The following C12orf43 variants were observed in gnomAD, a reference collection of about 807,000 sequenced individuals.
The protein encoded by C12orf43 is chromosome 12 open reading frame 43.
In C12orf43, 15 loss-of-function variants were observed where a neutral mutation model predicts 20.6. That is an observed-to-expected ratio of 0.73 (90% CI 0.49 to 1.12). The LOEUF is 1.12. Among genes scored for constraint, C12orf43 ranks in the 50% most tolerant of loss-of-function variants. C12orf43 has a pLI of 0.00. For missense variants in C12orf43, 334 were observed against 344.4 expected (o/e 0.97, Z 0.24); for synonymous variants, 144 against 130.8 (o/e 1.10, Z -0.69).
In C12orf43 at chr12:121,004,540, C is replaced by T; in HGVS notation, c.453-51G>A. On this transcript the variant is annotated intron_variant, in intron 5 of 5. Coordinates refer to ENST00000288757, the MANE Select transcript of C12orf43 (RefSeq NM_022895.3). This position sits in a 1 kb window ranked among gnomAD's most constrained non-coding sequence, Gnocchi z 5.6. Reference sequence around the variant, plus strand: ...GTTAGCTGGAGTCAGGACACAGCCCCAGAGCTGCCTCTCGCTGTCCTCCCT... The same window carrying T: ...GTTAGCTGGAGTCAGGACACAGCCCTAGAGCTGCCTCTCGCTGTCCTCCCT... 1 of 1,508,116 alleles carries T rather than the reference C, an allele frequency of 6.6e-7. No individual in the cohort carries two copies. The allele number at this position is 1,508,116 out of a possible 1,614,324, so 93.4% of individuals were successfully genotyped here.
intron 1 of C12orf43, among the ~76,000 whole-genome samples, chr12:121,016,050 C>T (rs545732334): frequency 1.3e-5 from 2 of 152,168 alleles, no homozygotes; most frequent in Non-Finnish European, 1.5e-5. Context: ...TTGCAGTTAT[C>T]TCGAAGAGAC....
In C12orf43 at chr12:121,016,327, T is replaced by TA; in HGVS notation, c.145+2dup. The TA allele has an allele frequency of 6.2e-7, 1 of 1,613,594 alleles. No homozygotes were observed. The highest frequency in any genetic ancestry group is 8.5e-7 in the Non-Finnish European group (1 of 1,180,002). Reference sequence around the variant, plus strand: ...GCCAGTCTCCCCAAACATAGTACCCTACCGGCTCTTGGCTTCCCTGCCACG... The same window carrying TA: ...GCCAGTCTCCCCAAACATAGTACCCTAACCGGCTCTTGGCTTCCCTGCCACG... On this transcript the variant is annotated splice_region_variant and intron_variant, in intron 1 of 5. Coordinates refer to ENST00000288757, the MANE Select transcript of C12orf43 (RefSeq NM_022895.3).
chr12:121,007,351 A>G (rs1349301086), intron 3 of C12orf43: 1 of 152,184 alleles, frequency 6.6e-6, no homozygotes, highest in Non-Finnish European at 1.5e-5. Flanking sequence ...CCTCATTCAG[A>G]CTTCAGAGAC....
chr12:121,004,461 A>G lies in C12orf43; in HGVS notation c.481T>C (p.Cys161Arg). 1 of 1,608,032 alleles carries G rather than the reference A, an allele frequency of 6.2e-7. No individual in the cohort carries two copies. The highest frequency in any genetic ancestry group is 1.1e-5 in the South Asian group (1 of 90,762). Residue 161 changes from cysteine to arginine, a missense_variant, in exon 6 of 6, where the codon TGC (cysteine) becomes CGC (arginine). By Grantham distance (180) the Cys-to-Arg change is radical. Transcript: ENST00000288757. The surrounding 1 kb of genome is among the most constrained non-coding windows in gnomAD (Gnocchi z 5.6). ...GACGCCGACACAGCTGCCTCCCGGC[A>G]CCGCCGCCACTCCTCGTCACTGTCC... ...SEDSDEEWRRCREAAVSASDI... is the reference protein window; with the variant it reads ...SEDSDEEWRRRREAAVSASDI...
Position 121,011,137 on chromosome 12 carries a change from T to C in C12orf43, c.155A>G (p.Asn52Ser). 2 of 1,613,936 alleles carry C rather than the reference T, an allele frequency of 1.2e-6. No homozygotes were observed. The highest frequency in any genetic ancestry group is 2.7e-5 in the African/African-American group (2 of 74,970). The change falls in exon 2 of 6, where the codon AAT becomes AGT. Residue 52 changes from asparagine to serine, a missense_variant. Asn to Ser is a conservative substitution (Grantham distance 46, BLOSUM62 1). Coordinates refer to ENST00000288757, the MANE Select transcript of C12orf43 (RefSeq NM_022895.3). ...VAGKPRAGAA[N>S]SQLSTSQPSL... ...CGGTTGGGAGGTTGACAACTGGCTA[T>C]TTGCAGCACCTGTGGAAAAATGAAA...
chr12:121,011,072 T>A (rs1878419705), intron 2 of C12orf43, 32 bp downstream of exon 2: 1 of 1,611,032 alleles, frequency 6.2e-7, no homozygotes, highest in African/African-American at 1.3e-5. Context: ...ATTTGTTGAA[T>A]AAGTGAAACT....
At position 121,001,266 on chromosome 12, in the gene C12orf43, AG is replaced by A. The variant is rs547688126; in HGVS notation, c.*2886del. The A allele has an allele frequency of 9.7e-5, 153 of 1,575,666 alleles. No individual in the cohort carries two copies. The highest frequency in any genetic ancestry group is 1.3e-4 in the Non-Finnish European group (148 of 1,156,060). ...GAGGGCAGCAGCCAGCCCTGCCTGG[AG>A]GACCTGAGCCTGCCGAGCAACCGTG... On this transcript the variant is annotated 3_prime_UTR_variant, in exon 6 of 6. Transcript: ENST00000288757.
At position 121,003,909 on chromosome 12, in the gene C12orf43, C is replaced by T. The variant is rs1181899306; in HGVS notation, c.*244G>A. On this transcript the variant is annotated 3_prime_UTR_variant, in exon 6 of 6. Transcript: ENST00000288757. ...TGAAATGTTCTGGAACCACAGCGCCCCCGCCAGCCCTCCGTGGGAGCACAG... is the reference window on the plus strand; with the variant it reads ...TGAAATGTTCTGGAACCACAGCGCCTCCGCCAGCCCTCCGTGGGAGCACAG... 3.4e-6 allele frequency: 2 copies of T among 582,284 alleles called. No individual in the cohort carries two copies. Among genetic ancestry groups the T allele is most frequent in the Admixed American group, 6.0e-5 (2 of 33,066 alleles). 36.1% of individuals were successfully genotyped at this position (582,284 alleles called of 1,614,324 possible). A position where few individuals can be genotyped will look rare whatever the true frequency, so the allele number is the denominator to read the frequency against.
intron 3 of C12orf43, among the ~76,000 whole-genome samples, chr12:121,010,455 TCA>T (rs1200937723): frequency 6.6e-6 from 1 of 152,178 alleles, no homozygotes; most frequent in African/African-American, 2.4e-5. Context: ...TCTCTGAGCC[TCA>T]GTTACCCATC....
intron 3 of C12orf43, 119 bp from the exon 4 acceptor site, chr12:121,006,513 C>A: frequency 1.1e-6 from 1 of 948,880 alleles, no homozygotes; most frequent in Non-Finnish European, 1.7e-6. Flanking sequence ...CGAAAGCGTG[C>A]TGGCCTAGTA....
chr12:121,002,357 C>T lies in C12orf43; in HGVS notation c.*1796G>A, dbSNP rs927067298. ...CAAGCATGGTCCCACATCCCTGGGC[C>T]TGCTGCTGAGAACCTGGCCTTCAGT... On this transcript the variant is annotated 3_prime_UTR_variant, in exon 6 of 6. Coordinates refer to ENST00000288757, the MANE Select transcript of C12orf43 (RefSeq NM_022895.3). The T allele has an allele frequency of 2.9e-4, 144 of 488,960 alleles. 1 individual carries two copies. Among genetic ancestry groups the T allele is most frequent in the Admixed American group, 5.6e-5 (2 of 36,016 alleles). 30.3% of individuals were successfully genotyped at this position (488,960 alleles called of 1,614,324 possible).
Position 121,001,669 on chromosome 12 carries a change from G to A in C12orf43, c.*2484C>T, listed in dbSNP as rs1877498396. 4.3e-6 allele frequency: 2 copies of A among 463,800 alleles called. No individual in the cohort carries two copies. Among genetic ancestry groups the A allele is most frequent in the Non-Finnish European group, 4.2e-6 (1 of 240,102 alleles). The allele number at this position is 463,800 out of a possible 1,614,324, so 28.7% of individuals were successfully genotyped here. On this transcript the variant is annotated 3_prime_UTR_variant, in exon 6 of 6. Coordinates refer to ENST00000288757, the MANE Select transcript of C12orf43 (RefSeq NM_022895.3). ...TTGTTCTGTCACCAATGTACCCACCGGGCCACTCCTTCCTGCCCCAACTCC... is the reference window on the plus strand; with the variant it reads ...TTGTTCTGTCACCAATGTACCCACCAGGCCACTCCTTCCTGCCCCAACTCC...
In C12orf43 at chr12:121,000,882, G is replaced by T; in HGVS notation, c.*3271C>A. ...TCAGGCCACTCCATGGGCGGCCGTG[G>T]ACCCTGGCTGGGAGGCTCCCTTTGA... On this transcript the variant is annotated 3_prime_UTR_variant, in exon 6 of 6. Transcript: ENST00000288757. 1.3e-6 allele frequency: 1 copy of T among 771,464 alleles called. No individual in the cohort carries two copies. The allele number at this position is 771,464 out of a possible 1,614,324, so 47.8% of individuals were successfully genotyped here.
At chr12:121,010,714 T>C (rs1468791610) in intron 3 of C12orf43, 114 bp downstream of exon 3, 12 of 636,030 alleles carry the variant, frequency 1.9e-5, no homozygotes, top group Non-Finnish European at 3.0e-5. Flanking sequence ...GGAGATGACA[T>C]ATGCCAGGTG....
At position 121,001,656 on chromosome 12, in the gene C12orf43, C is replaced by T; in HGVS notation, c.*2497G>A. The T allele has an allele frequency of 4.4e-6, 2 of 456,808 alleles. No individual in the cohort carries two copies. The highest frequency in any genetic ancestry group is 8.4e-6 in the Non-Finnish European group (2 of 237,336). The allele number at this position is 456,808 out of a possible 1,614,324, so 28.3% of individuals were successfully genotyped here. On this transcript the variant is annotated 3_prime_UTR_variant, in exon 6 of 6. Coordinates refer to ENST00000288757, the MANE Select transcript of C12orf43 (RefSeq NM_022895.3). ...GATCAGCGTGGCCTTGTTCTGTCAC[C>T]AATGTACCCACCGGGCCACTCCTTC...
chr12:121,001,518 A>G lies in C12orf43; in HGVS notation c.*2635T>C. The G allele has an allele frequency of 2.2e-6, 1 of 450,788 alleles. No individual in the cohort carries two copies. The highest frequency in any genetic ancestry group is 4.2e-6 in the Non-Finnish European group (1 of 239,944). The allele number at this position is 450,788 out of a possible 1,614,324, so 27.9% of individuals were successfully genotyped here. A position where few individuals can be genotyped will look rare whatever the true frequency, so the allele number is the denominator to read the frequency against. On this transcript the variant is annotated 3_prime_UTR_variant, in exon 6 of 6. Transcript: ENST00000288757. ...GAAGGGGGCGGCCTATGACTTGGGC[A>G]CCCCCAGCCTGGGCCTATGGAGAGC...
rs950269543 is a variant in C12orf43 at position 121,016,392 on chromosome 12, T to C, written c.83A>G (p.Glu28Gly). 4 of 1,613,972 alleles carry C rather than the reference T, an allele frequency of 2.5e-6. No homozygotes were observed. Among genetic ancestry groups the C allele is most frequent in the Non-Finnish European group, 3.4e-6 (4 of 1,180,040 alleles). ...CAAGCCCCAAGCCGGCATTGCCGCC[T>C]CGCGGCACCGCTCCAGCTCCTCCGC... ...SDAEELERCR[E>G]AAMPAWGLEQ... The change falls in exon 1 of 6, where the codon GAG becomes GGG. Residue 28 changes from glutamate (E) to glycine (G), a missense_variant. Glu to Gly is a moderately conservative substitution (Grantham distance 98, BLOSUM62 -2). Transcript: ENST00000288757.
In C12orf43 at chr12:121,001,762, T is replaced by C. The variant is rs1302731950; in HGVS notation, c.*2391A>G. The C allele has an allele frequency of 1.9e-6, 1 of 535,190 alleles. No homozygotes were observed. Among genetic ancestry groups the C allele is most frequent in the South Asian group, 1.5e-5 (1 of 65,042 alleles). 33.2% of individuals were successfully genotyped at this position (535,190 alleles called of 1,614,324 possible). On this transcript the variant is annotated 3_prime_UTR_variant, in exon 6 of 6. Transcript: ENST00000288757. ...CCTACTCACACAGGCATTTCCTGGG[T>C]GGCTACTCTGTGCCAGAGCCTGGGG...
chr12:121,001,465 G>C lies in C12orf43; in HGVS notation c.*2688C>G, dbSNP rs1425057069. 2 of 503,664 alleles carry C rather than the reference G, an allele frequency of 4.0e-6. No homozygotes were observed. Among genetic ancestry groups the C allele is most frequent in the South Asian group, 2.0e-5 (1 of 48,914 alleles). The allele number at this position is 503,664 out of a possible 1,614,324, so 31.2% of individuals were successfully genotyped here. A position where few individuals can be genotyped will look rare whatever the true frequency, so the allele number is the denominator to read the frequency against. On this transcript the variant is annotated 3_prime_UTR_variant, in exon 6 of 6. Transcript: ENST00000288757. ...ATGTAGGAGGGACTGTCGCTGCTTC[G>C]TGGGATACAGTCTTCTTACTTGGAA...
Sources: allele counts gnomAD v4.1 joint callset (sites outside exome capture counted in the v4.1 genomes callset), GRCh38; gene constraint gnomAD v4.1.1; non-coding constraint Gnocchi (gnomAD v3.1); transcripts MANE v1.5; gene names NCBI Gene and HGNC (gene_info 2026-07-23, HGNC 2026-07-21).